The following FIP1L1 variants were observed in gnomAD, a reference collection of about 807,000 sequenced individuals.
FIP1L1 encodes the protein factor interacting with PAPOLA and CPSF1.
In FIP1L1, 21 loss-of-function variants were observed where a neutral mutation model predicts 84.6. The ratio of observed to expected loss-of-function variants is 0.25; its 90% CI spans 0.18 to 0.36. The LOEUF is 0.36. Among genes scored for constraint, FIP1L1 ranks in the 10% least tolerant of loss-of-function variants. The probability of loss-of-function intolerance (pLI) is 1.00; values close to 1 mark genes in which losing one functional copy is unlikely to be tolerated. For synonymous variants in FIP1L1, 263 were observed against 242.3 expected (o/e 1.09, Z -0.80); for missense variants, 526 against 751.1 (o/e 0.70, Z 3.50).
intron 11 of FIP1L1, among the ~76,000 whole-genome samples, chr4:53,420,366 T>C (rs1409568159): frequency 6.8e-6 from 1 of 147,156 alleles, no homozygotes; most frequent in Non-Finnish European, 1.5e-5. Flanking sequence ...GAGGCAGAGG[T>C]TGTGGTGAGC....
intron 10 of FIP1L1, among the ~76,000 whole-genome samples, chr4:53,413,539 A>G (rs943061176): frequency 8.6e-5 from 13 of 151,922 alleles, no homozygotes; most frequent in African/African-American, 2.2e-4. Flanking sequence ...TTTTTCCACA[A>G]TGAGAACGTG....
Position 53,452,608 on chromosome 4 carries a change from C to T in FIP1L1, c.1286-312C>T, listed in dbSNP as rs551167297. ...CGTTGGGATTACAGGCGTAAGCCAT[C>T]GCGCCTGGCCTCCTCTCAACACTTT... On this transcript the variant is annotated intron_variant, in intron 15 of 17. Transcript: ENST00000337488. 8.2e-4 allele frequency among the ~76,000 whole-genome samples: 125 copies of T among 152,314 alleles called. 2 individuals carry two copies. In the South Asian group the frequency reaches 0.025, roughly 30 times the overall value.
At chr4:53,414,151 A>C (rs1404973385) in intron 10 of FIP1L1, among the ~76,000 whole-genome samples, 1 of 152,182 alleles carries the variant, frequency 6.6e-6, no homozygotes, top group African/African-American at 2.4e-5. Flanking sequence ...AAAATAGTAT[A>C]GGTTTTTATG....
intron 11 of FIP1L1, among the ~76,000 whole-genome samples, chr4:53,423,955 C>T (rs568467855): frequency 6.6e-6 from 1 of 152,090 alleles, no homozygotes; most frequent in Admixed American, 6.6e-5. Flanking sequence ...TGGTAAAAGA[C>T]AGGCTATAGA....
rs182333587 is a variant in FIP1L1 at position 53,377,729 on chromosome 4, G to T, written c.-110G>T. On this transcript the variant is annotated 5_prime_UTR_variant, in exon 1 of 18. Transcript: ENST00000337488. ...GGGATTGGAGTCTCGAGCTTTCTTC[G>T]TTCGTTCGTCGGCGGGTTCGCGCCC... The T allele has an allele frequency of 5.5e-4, 564 of 1,022,524 alleles. No individual in the cohort carries two copies. In the Middle Eastern group the frequency reaches 6.8e-3, roughly 12 times the overall value. The allele number at this position is 1,022,524 out of a possible 1,614,324, so 63.3% of individuals were successfully genotyped here.
chr4:53,403,540 G>A (rs1461729190), intron 10 of FIP1L1, among the ~76,000 whole-genome samples: 2 of 152,150 alleles, frequency 1.3e-5, no homozygotes, highest in African/African-American at 4.8e-5. Context: ...CCGTGCTTCG[G>A]ATTTGACAAA....
At chr4:53,414,299 A>G in intron 10 of FIP1L1, among the ~76,000 whole-genome samples, 1 of 152,144 alleles carries the variant, frequency 6.6e-6, no homozygotes. Context: ...GAATTCATAG[A>G]GGCACAGAAA....
rs771449831 is a variant in FIP1L1, at chr4:53,390,482, G to C, written c.398-39G>C. 3.0e-6 allele frequency: 4 copies of C among 1,334,362 alleles called. No homozygotes were observed. The East Asian group carries it at 9.3e-5, about 31-fold the overall frequency. 82.7% of individuals were successfully genotyped at this position (1,334,362 alleles called of 1,614,324 possible). ...TGTCTATGGTATCGCCTGGCTTCTT[G>C]CAAGTATAGCTCCTTCATTTTGTAA... is the stretch of plus-strand genomic sequence containing the variant. On this transcript the variant is annotated intron_variant, in intron 6 of 17. Coordinates refer to ENST00000337488, the MANE Select transcript of FIP1L1 (RefSeq NM_030917.4).
intron 11 of FIP1L1, among the ~76,000 whole-genome samples, chr4:53,425,519 G>A (rs761601633): frequency 7.9e-5 from 12 of 151,976 alleles, no homozygotes; most frequent in Non-Finnish European, 1.3e-4. Context: ...TACAATTGTA[G>A]TGGTCCCAAA....
At chr4:53,446,150 T>G (rs1331597664) in intron 15 of FIP1L1, among the ~76,000 whole-genome samples, 4 of 152,106 alleles carry the variant, frequency 2.6e-5, no homozygotes, top group African/African-American at 9.7e-5. Flanking sequence ...AAAGATGGTA[T>G]TTATGTTGAC....
chr4:53,417,738 AACACAC>A (rs371194870), intron 11 of FIP1L1, among the ~76,000 whole-genome samples: 23 of 70,380 alleles, frequency 3.3e-4, no homozygotes, highest in African/African-American at 9.8e-4. Context: ...TCTCTTTTTA[AACACAC>A]ACACACACAC....
rs543199893 is a variant in FIP1L1 at position 53,405,873 on chromosome 4, T to C, written c.815+6034T>C. Among the ~76,000 whole-genome samples the C allele has an allele frequency of 4.0e-3, 605 of 152,084 alleles. 2 individuals carry two copies. The highest frequency in any genetic ancestry group is 6.4e-3 in the Non-Finnish European group (436 of 68,032). On this transcript the variant is annotated intron_variant, in intron 10 of 17. Coordinates refer to ENST00000337488, the MANE Select transcript of FIP1L1 (RefSeq NM_030917.4). ...ACATTGATTTTGTATCCTGAGACTT[T>C]GCTGAAGTTGCTTATCAACTTAAGG...
chr4:53,459,024 C>G (rs140291648), intron 17 of FIP1L1, among the ~76,000 whole-genome samples: 1 of 152,170 alleles, frequency 6.6e-6, no homozygotes, highest in African/African-American at 2.4e-5. Flanking sequence ...ATGCCTGTTT[C>G]TAATTTGTTA....
At chr4:53,442,603 C>T (rs1772447833) in intron 13 of FIP1L1, 50 bp from the exon 14 acceptor site, 1 of 1,269,616 alleles carries the variant, frequency 7.9e-7, no homozygotes, top group Non-Finnish European at 1.1e-6. Context: ...TCACTCTTGA[C>T]ATTAAGTGTA....
At chr4:53,399,328 C>T (rs999166825) in intron 9 of FIP1L1, among the ~76,000 whole-genome samples, 6 of 152,152 alleles carry the variant, frequency 3.9e-5, no homozygotes, top group African/African-American at 1.4e-4. Context: ...CTAAAATGGT[C>T]ACCTATTGTT....
chr4:53,408,065 A>G (rs931879054), intron 10 of FIP1L1, among the ~76,000 whole-genome samples: 6 of 152,160 alleles, frequency 3.9e-5, no homozygotes, highest in African/African-American at 1.4e-4. Context: ...TTTGCTCGTT[A>G]GTTGATGCAG....
At chr4:53,389,788 T>C (rs1743153226) in intron 5 of FIP1L1, 21 bp from the exon 6 acceptor site, 2 of 1,589,304 alleles carry the variant, frequency 1.3e-6, no homozygotes, top group Admixed American at 1.8e-5. Context: ...TTTCTGTTTT[T>C]TTTTGTTTGT....
chr4:53,409,770 C>A (rs190120833), intron 10 of FIP1L1, among the ~76,000 whole-genome samples: 1 of 152,248 alleles, frequency 6.6e-6, no homozygotes, highest in Non-Finnish European at 1.5e-5. Context: ...CTGCGAGACT[C>A]CGTGGGCGTA....
intron 5 of FIP1L1, 75 bp downstream of exon 5, chr4:53,383,951 A>C (rs2149297301): frequency 7.8e-7 from 1 of 1,288,690 alleles, no homozygotes; most frequent in East Asian, 2.4e-5. Context: ...TCAAACTCTC[A>C]GTGGTTGAGT....
Sources: gnomAD v4.1 joint callset for allele counts (sites outside exome capture counted in the v4.1 genomes callset) on GRCh38, gnomAD v4.1.1 for gene constraint, MANE v1.5 for transcripts, NCBI Gene and HGNC (gene_info 2026-07-23, HGNC 2026-07-21) for gene names.